Variants in ZBTB20 observed in about 807,000 individuals in gnomAD.
ZBTB20 encodes zinc finger and BTB domain containing 20, also known as zinc finger and BTB domain-containing protein 20.
Under a neutral mutation model 56.9 loss-of-function variants are expected in ZBTB20, and 9 were observed. The observed-to-expected ratio is 0.16, with a 90% CI of 0.10 to 0.28. ZBTB20 has a LOEUF of 0.28. ZBTB20 is among the 10% of genes least tolerant of loss of function. The pLI is 1.00. For missense variants in ZBTB20, 655 were observed against 1,003.0 expected (o/e 0.65, Z 4.69); for synonymous variants, 417 against 420.7 (o/e 0.99, Z 0.11).
chr3:114,896,738 C>G (rs2074897963), intron 4 of ZBTB20, among the ~76,000 whole-genome samples: 1 of 151,812 alleles, frequency 6.6e-6, no homozygotes, highest in Non-Finnish European at 1.5e-5. Context: ...GAACTGTATA[C>G]CAAAAAATAG....
intron 5 of ZBTB20, among the ~76,000 whole-genome samples, chr3:114,744,477 G>T (rs2066876801): frequency 6.6e-6 from 1 of 151,996 alleles, no homozygotes. Flanking sequence ...CCTGTCGGAA[G>T]CCCTCTATCT....
At chr3:114,621,828 ATATAGCCAT>A (rs1490673899) in intron 6 of ZBTB20, among the ~76,000 whole-genome samples, 1 of 152,174 alleles carries the variant, frequency 6.6e-6, no homozygotes, top group East Asian at 1.9e-4. Flanking sequence ...AGTAATATTA[ATATAGCCAT>A]TGAAGCACAA....
chr3:114,785,437 A>G (rs1339620645), intron 5 of ZBTB20, among the ~76,000 whole-genome samples: 2 of 152,156 alleles, frequency 1.3e-5, no homozygotes, highest in Non-Finnish European at 1.5e-5. Flanking sequence ...CTGAAATAAA[A>G]TTATTTCAGA....
At chr3:115,055,672 GA>G (rs1185195159) in intron 2 of ZBTB20, among the ~76,000 whole-genome samples, 3 of 151,970 alleles carry the variant, frequency 2.0e-5, no homozygotes, top group Non-Finnish European at 4.4e-5. Context: ...ACTGTCCCTA[GA>G]AGACAGTAAA....
chr3:114,538,671 CTCTG>C (rs1228024515), intron 6 of ZBTB20, among the ~76,000 whole-genome samples: 3 of 152,138 alleles, frequency 2.0e-5, no homozygotes, highest in Non-Finnish European at 4.4e-5. Flanking sequence ...ATATTCTGCT[CTCTG>C]TCTAAGATGT....
intron 5 of ZBTB20, among the ~76,000 whole-genome samples, chr3:114,713,159 T>C (rs1170522513): frequency 6.6e-6 from 1 of 152,102 alleles, no homozygotes; most frequent in Non-Finnish European, 1.5e-5. Flanking sequence ...TCTTATGTTT[T>C]TATATCGTAT....
At chr3:115,011,741 A>C (rs1388711687) in intron 2 of ZBTB20, among the ~76,000 whole-genome samples, 1 of 151,890 alleles carries the variant, frequency 6.6e-6, no homozygotes, top group Non-Finnish European at 1.5e-5. Flanking sequence ...GGTAATAGTA[A>C]ATACACAGAA....
chr3:114,671,392 C>T (rs74345708), intron 6 of ZBTB20, among the ~76,000 whole-genome samples: 3,772 of 152,064 alleles, frequency 0.025, 146 homozygotes, highest in African/African-American at 0.086. Flanking sequence ...AGAGGACCCC[C>T]CAAATAGTTT....
chr3:115,055,099 A>G (rs1184779136), intron 2 of ZBTB20, among the ~76,000 whole-genome samples: 2 of 151,780 alleles, frequency 1.3e-5, no homozygotes, highest in African/African-American at 4.8e-5. Flanking sequence ...ACTTCTTTCT[A>G]TTATCACTAA....
chr3:114,376,317 G>A (rs1230148628), intron 10 of ZBTB20, among the ~76,000 whole-genome samples: 2 of 152,224 alleles, frequency 1.3e-5, no homozygotes, highest in Non-Finnish European at 2.9e-5. Flanking sequence ...GGGAATGAAA[G>A]AATCTGCTGT....
chr3:114,591,647 C>A (rs1023239875), intron 6 of ZBTB20, among the ~76,000 whole-genome samples: 7 of 152,162 alleles, frequency 4.6e-5, no homozygotes, highest in East Asian at 3.8e-4. Context: ...ATTCTCTATA[C>A]AAGTGATGAA....
chr3:114,899,986 T>G (rs36075515), intron 4 of ZBTB20, among the ~76,000 whole-genome samples: 11 of 151,912 alleles, frequency 7.2e-5, no homozygotes, highest in Non-Finnish European at 4.4e-5. Context: ...AACTGTGGTT[T>G]TGCAATGGTC....
At chr3:115,129,907 G>C (rs890666968) in intron 1 of ZBTB20, among the ~76,000 whole-genome samples, 2 of 152,096 alleles carry the variant, frequency 1.3e-5, no homozygotes, top group African/African-American at 4.8e-5. Flanking sequence ...TCTGTTGGAG[G>C]TTTATATAGC....
intron 7 of ZBTB20, among the ~76,000 whole-genome samples, chr3:114,412,154 C>T (rs1296424193): frequency 6.6e-6 from 1 of 152,056 alleles, no homozygotes; most frequent in Non-Finnish European, 1.5e-5. Context: ...ATGGAAAGGA[C>T]ATAGACTTAG....
In ZBTB20 at chr3:114,337,285, T is replaced by C. The variant is rs1356042623; in HGVS notation, c.*1720A>G. ...TTGATCTATAACAGGCTTCTCATAA[T>C]GATGCTCTTTGTAGTTGGGAAGGGT... On this transcript the variant is annotated 3_prime_UTR_variant, in exon 12 of 12. Transcript: ENST00000675478. 1 of 152,264 alleles carries C rather than the reference T, an allele frequency of 6.6e-6. No individual in the cohort carries two copies. Among genetic ancestry groups the C allele is most frequent in the African/African-American group, 2.4e-5 (1 of 41,470 alleles). 9.4% of individuals were successfully genotyped at this position (152,264 alleles called of 1,614,324 possible). A position where few individuals can be genotyped will look rare whatever the true frequency, so the allele number is the denominator to read the frequency against.
chr3:114,409,123 GA>G (rs2087659816), intron 7 of ZBTB20, among the ~76,000 whole-genome samples: 1 of 107,608 alleles, frequency 9.3e-6, no homozygotes, highest in East Asian at 2.9e-4. Context: ...AAAAAGGGAA[GA>G]CTTTTTTTTT....
intron 6 of ZBTB20, among the ~76,000 whole-genome samples, chr3:114,594,356 G>A (rs1025245319): frequency 9.6e-5 from 14 of 146,530 alleles, no homozygotes; most frequent in African/African-American, 3.0e-4. Context: ...AACCTCCGCC[G>A]CCCGGGTTCA....
At chr3:115,085,317 G>A (rs963745483) in intron 1 of ZBTB20, among the ~76,000 whole-genome samples, 2 of 151,884 alleles carry the variant, frequency 1.3e-5, no homozygotes, top group Non-Finnish European at 2.9e-5. Flanking sequence ...TTTAAGTTGT[G>A]CCAAATTGGT....
intron 2 of ZBTB20, among the ~76,000 whole-genome samples, chr3:115,041,315 CTG>C (rs1366389808): frequency 6.6e-6 from 1 of 152,112 alleles, no homozygotes; most frequent in Non-Finnish European, 1.5e-5. Flanking sequence ...AGGAACGAAA[CTG>C]AGGCTCATGT....
Sources: allele counts gnomAD v4.1 joint callset (sites outside exome capture counted in the v4.1 genomes callset), GRCh38; gene constraint gnomAD v4.1.1; transcripts MANE v1.5; gene names NCBI Gene and HGNC (gene_info 2026-07-23, HGNC 2026-07-21).